KDM4B: variants seen among roughly 807,000 people sequenced by gnomAD.
KDM4B encodes lysine-specific demethylase 4B.
A neutral mutation model predicts 125.2 loss-of-function variants in KDM4B; 32 were observed. That is an observed-to-expected ratio of 0.26 (90% CI 0.19 to 0.34). The LOEUF is 0.34. Among genes scored for constraint, KDM4B ranks in the 10% least tolerant of loss-of-function variants. The pLI is 1.00. For missense variants in KDM4B, 1,190 were observed against 1,577.7 expected, an observed-to-expected ratio of 0.75 and a Z score of 4.16; for synonymous variants, 721 against 677.9, an observed-to-expected ratio of 1.06 and a Z score of -0.99.
At chr19:5,077,641 T>A (rs954883617) in intron 8 of KDM4B, 171 bp downstream of exon 8, 4 of 590,458 alleles carry the variant, frequency 6.8e-6, no homozygotes, top group African/African-American at 1.9e-5. Context: ...CTCCAGCTCT[T>A]CCACGGGGAA....
At chr19:5,124,244 T>G (rs1044756248) in intron 11 of KDM4B, among the ~76,000 whole-genome samples, 4 of 151,032 alleles carry the variant, frequency 2.6e-5, no homozygotes, top group African/African-American at 9.7e-5. Context: ...ACCGCCTTGA[T>G]GGACCCTTCA....
At chr19:5,123,597 G>A (rs1181918297) in intron 11 of KDM4B, among the ~76,000 whole-genome samples, 1 of 152,242 alleles carries the variant, frequency 6.6e-6, no homozygotes, top group Non-Finnish European at 1.5e-5. Flanking sequence ...TCTGCAGCAG[G>A]CGAGGGGCTT....
At chr19:4,970,014 G>T (rs1488255372) in intron 1 of KDM4B, among the ~76,000 whole-genome samples, 1 of 152,170 alleles carries the variant, frequency 6.6e-6, no homozygotes, top group Non-Finnish European at 1.5e-5. Context: ...TTGAGGAGTT[G>T]CTTCCGCCGA....
intron 4 of KDM4B, 135 bp from the exon 5 acceptor site, chr19:5,041,001 TA>T (rs1472548602): frequency 3.6e-6 from 2 of 561,140 alleles, no homozygotes; most frequent in African/African-American, 3.8e-5. Context: ...CGTGGTACCC[TA>T]GGCGGGGCAG....
At chr19:5,005,392 C>T (rs746752205) in intron 1 of KDM4B, among the ~76,000 whole-genome samples, 1 of 152,160 alleles carries the variant, frequency 6.6e-6, no homozygotes, top group East Asian at 1.9e-4. Flanking sequence ...TGTGACCTGT[C>T]GTGTCATTGG....
intron 11 of KDM4B, among the ~76,000 whole-genome samples, chr19:5,130,190 T>C (rs1352949129): frequency 6.6e-6 from 1 of 152,070 alleles, no homozygotes; most frequent in Non-Finnish European, 1.5e-5. Flanking sequence ...TCATCTAGGA[T>C]CACCTCCCAT....
At chr19:5,140,460 GC>G (rs2039721777) in intron 18 of KDM4B, 1 of 152,382 alleles carries the variant, frequency 6.6e-6, no homozygotes, top group South Asian at 2.1e-4. Flanking sequence ...AGGAGGCCAG[GC>G]CTGGTGGCTC....
At chr19:5,014,979 A>C (rs2035847413) in intron 1 of KDM4B, among the ~76,000 whole-genome samples, 1 of 149,754 alleles carries the variant, frequency 6.7e-6, no homozygotes. Flanking sequence ...TGGGTGACAG[A>C]GCGAGAGTCC....
intron 5 of KDM4B, among the ~76,000 whole-genome samples, chr19:5,045,417 C>T (rs538179002): frequency 1.3e-5 from 2 of 151,996 alleles, no homozygotes; most frequent in Non-Finnish European, 1.5e-5. Context: ...GATGGAGTCT[C>T]GCTCTGTTGC....
chr19:5,054,005 C>T lies in KDM4B; in HGVS notation c.626+6336C>T, dbSNP rs150204759. Among the ~76,000 whole-genome samples the T allele has an allele frequency of 5.0e-3, 768 of 152,358 alleles. 6 individuals are homozygous for T. Among genetic ancestry groups the T allele is most frequent in the African/African-American group, 0.018 (740 of 41,588 alleles). On this transcript the variant is annotated intron_variant, in intron 6 of 22. Coordinates refer to ENST00000159111, the MANE Select transcript of KDM4B (RefSeq NM_015015.3). ...TGTCCCAATCCTCTGCTTCTGATGGCGACTGTGGCCACAGCATCAGTGCAG... is the reference window on the plus strand; with the variant it reads ...TGTCCCAATCCTCTGCTTCTGATGGTGACTGTGGCCACAGCATCAGTGCAG...
intron 6 of KDM4B, among the ~76,000 whole-genome samples, chr19:5,050,483 G>T (rs75408357): frequency 6.6e-6 from 1 of 152,236 alleles, no homozygotes; most frequent in African/African-American, 2.4e-5. Context: ...GGGAGGGTCC[G>T]AGCTTTCCAC....
At chr19:5,138,671 A>G (rs2039691384) in intron 18 of KDM4B, among the ~76,000 whole-genome samples, 1 of 152,156 alleles carries the variant, frequency 6.6e-6, no homozygotes, top group African/African-American at 2.4e-5. Flanking sequence ...AAAACAAACA[A>G]TTGTAACAAT....
At chr19:5,104,636 A>C (rs2039001379) in intron 9 of KDM4B, among the ~76,000 whole-genome samples, 1 of 152,196 alleles carries the variant, frequency 6.6e-6, no homozygotes, top group African/African-American at 2.4e-5. Flanking sequence ...CGCCACTTCC[A>C]GGATTCAGAC....
At chr19:5,138,155 C>A (rs771420947) in intron 18 of KDM4B, 85 bp downstream of exon 18, 31 of 1,037,374 alleles carry the variant, frequency 3.0e-5, no homozygotes, top group Middle Eastern at 5.2e-4. Flanking sequence ...CGATCTGAAG[C>A]GGTCTTTCCT....
intron 2 of KDM4B, among the ~76,000 whole-genome samples, chr19:5,028,061 C>G (rs1005851904): frequency 6.6e-5 from 10 of 152,288 alleles, no homozygotes; most frequent in South Asian, 2.1e-4. Context: ...ACTGCAGCCT[C>G]GAAATCCTGG....
In KDM4B at chr19:5,119,685, C is replaced by G; in HGVS notation, c.1148C>G (p.Pro383Arg). The G allele has an allele frequency of 6.4e-7, 1 of 1,556,088 alleles. No individual in the cohort carries two copies. Among genetic ancestry groups the G allele is most frequent in the Non-Finnish European group, 8.7e-7 (1 of 1,149,490 alleles). ...CGGAAACGGAGCCAGCCCAAGAAGC[C>G]GAAGCCCGAAGACCCCAAGTTCCCT... ...SHRKRSQPKK[P>R]KPEDPKFPGE... is the part of the protein sequence containing the mutation. Residue 383 changes from proline to arginine, a missense_variant, in exon 11 of 23, where the codon CCG becomes CGG. Physicochemically the swap from Pro to Arg is moderately radical, Grantham distance 103 (BLOSUM62 -2). Around this residue, in one of 7 missense-constraint regions of KDM4B, gnomAD observed 428 missense variants for 405.1 expected, o/e 1.06. Coordinates refer to ENST00000159111, the MANE Select transcript of KDM4B (RefSeq NM_015015.3).
chr19:5,003,110 G>A (rs1018044610), intron 1 of KDM4B, among the ~76,000 whole-genome samples: 1 of 152,126 alleles, frequency 6.6e-6, no homozygotes, highest in Non-Finnish European at 1.5e-5. Context: ...TTCCACCGCC[G>A]TTCATTCTCG....
At chr19:5,028,022 G>C (rs2145594651) in intron 2 of KDM4B, among the ~76,000 whole-genome samples, 1 of 152,274 alleles carries the variant, frequency 6.6e-6, no homozygotes, top group East Asian at 1.9e-4. Context: ...TTGCCCAGAG[G>C]CTGGAGTGCA....
intron 9 of KDM4B, among the ~76,000 whole-genome samples, chr19:5,086,513 C>T (rs1381944254): frequency 6.6e-6 from 1 of 152,226 alleles, no homozygotes; most frequent in Non-Finnish European, 1.5e-5. Context: ...GCGTCTGCGT[C>T]TGCTTCGCCC....
Sources: gnomAD v4.1 joint callset for allele counts (sites outside exome capture counted in the v4.1 genomes callset) on GRCh38, gnomAD v4.1.1 for gene constraint, gnomAD v4.1.1 regional missense constraint, MANE v1.5 for transcripts, NCBI Gene and HGNC (gene_info 2026-07-23, HGNC 2026-07-21) for gene names.